Variants in WDR72 observed in about 807,000 individuals in gnomAD.
The protein encoded by WDR72 is WD repeat-containing protein 72.
Under a neutral mutation model 124.2 loss-of-function variants are expected in WDR72, and 120 were observed. The observed-to-expected ratio is 0.97, with a 90% CI of 0.83 to 1.12. WDR72 has a LOEUF of 1.12. Among genes scored for constraint, WDR72 ranks in the 50% most tolerant of loss-of-function variants. WDR72 has a pLI of 0.00. For synonymous variants in WDR72, 452 were observed against 441.7 expected, an observed-to-expected ratio of 1.02 and a Z score of -0.29; for missense variants, 1,387 against 1,278.8, an observed-to-expected ratio of 1.08 and a Z score of -1.29.
chr15:53,518,580 A>ATTT (rs57368989), intron 19 of WDR72, among the ~76,000 whole-genome samples: 20 of 151,650 alleles, frequency 1.3e-4, no homozygotes, highest in South Asian at 1.0e-3. Context: ...ATTCTTCTAG[A>ATTT]TTTTTTTTAG....
At chr15:53,731,491 G>T (rs2018202107) in intron 2 of WDR72, among the ~76,000 whole-genome samples, 2 of 151,648 alleles carry the variant, frequency 1.3e-5, no homozygotes, top group African/African-American at 4.8e-5. Flanking sequence ...AGTATCTCTG[G>T]CTCCACCCAC....
intron 17 of WDR72, among the ~76,000 whole-genome samples, chr15:53,597,888 C>A (rs1049520391): frequency 6.6e-6 from 1 of 152,084 alleles, no homozygotes; most frequent in Non-Finnish European, 1.5e-5. Flanking sequence ...CACAGAACAT[C>A]CAACTAAATT....
chr15:53,588,712 T>A (rs1293758743), intron 18 of WDR72, among the ~76,000 whole-genome samples: 1 of 149,946 alleles, frequency 6.7e-6, no homozygotes, highest in Non-Finnish European at 1.5e-5. Flanking sequence ...AAATCAGTTG[T>A]TTTTCTCTAA....
At chr15:53,617,043 C>G (rs1363038061) in intron 14 of WDR72, among the ~76,000 whole-genome samples, 1 of 151,816 alleles carries the variant, frequency 6.6e-6, no homozygotes, top group African/African-American at 2.4e-5. Flanking sequence ...ACAGCATTAT[C>G]AAGAGACTCA....
At chr15:53,575,209 G>A (rs1894707285) in intron 18 of WDR72, among the ~76,000 whole-genome samples, 1 of 151,930 alleles carries the variant, frequency 6.6e-6, no homozygotes, top group Non-Finnish European at 1.5e-5. Flanking sequence ...CACTACTGAT[G>A]GCATTTGAAA....
chr15:53,524,448 G>C lies in WDR72; in HGVS notation c.3149-1126C>G, dbSNP rs1402633714. On this transcript the variant is annotated intron_variant, in intron 18 of 19. Coordinates refer to ENST00000360509, the MANE Select transcript of WDR72 (RefSeq NM_182758.4). ...CAGACAAGAAAGCAATGCAGAGGCT[G>C]AGACTGTGCTACTTCACACATTTGG... is the stretch of plus-strand genomic sequence containing the variant. Among the ~76,000 whole-genome samples, 10 of 152,136 alleles carry C rather than the reference G, an allele frequency of 6.6e-5. No individual in the cohort carries two copies. The East Asian group carries it at 1.9e-3, about 29-fold the overall frequency.
intron 18 of WDR72, among the ~76,000 whole-genome samples, chr15:53,591,419 A>G (rs1245338767): frequency 6.6e-6 from 1 of 151,876 alleles, no homozygotes; most frequent in Non-Finnish European, 1.5e-5. Flanking sequence ...AATCGCCAAC[A>G]CTCCATAACC....
At chr15:53,530,208 A>C (rs1169872151) in intron 18 of WDR72, among the ~76,000 whole-genome samples, 5 of 151,394 alleles carry the variant, frequency 3.3e-5, no homozygotes, top group Non-Finnish European at 5.9e-5. Flanking sequence ...ATTACTTCTT[A>C]TTTTGTATAT....
rs2017533238 is a variant in WDR72 at position 53,711,372 on chromosome 15, T to C, written c.821A>G (p.Glu274Gly). Residue 274 changes from glutamate (E) to glycine (G), a missense_variant, in exon 8 of 20, where the codon GAA (glutamate) becomes GGA (glycine). Physicochemically the swap from Glu to Gly is moderately conservative, Grantham distance 98 (BLOSUM62 -2). Coordinates refer to ENST00000360509, the MANE Select transcript of WDR72 (RefSeq NM_182758.4). The stretch of plus-strand genomic sequence containing the variant: ...CTGATAGATGTAACTGTGACCATCT[T>C]CTGTCCAGATGAGGATTCTGTGAGC... ...IAAHRILIWT[E>G]DGHSYIYQLL... is the part of the protein sequence containing the mutation. 6.2e-7 allele frequency: 1 copy of C among 1,614,096 alleles called. No homozygotes were observed. The highest frequency in any genetic ancestry group is 1.1e-5 in the South Asian group (1 of 91,084).
In WDR72 at chr15:53,702,363, C is replaced by A; in HGVS notation, c.1349-9G>T. ...TTTATGAGGGGGAGAATCTGAAAAA[C>A]AATGAAACACCAAATAATACAGATG... On this transcript the variant is annotated splice_polypyrimidine_tract_variant and intron_variant, in intron 11 of 19. Coordinates refer to ENST00000360509, the MANE Select transcript of WDR72 (RefSeq NM_182758.4). The A allele has an allele frequency of 6.3e-7, 1 of 1,588,974 alleles. No homozygotes were observed. The highest frequency in any genetic ancestry group is 8.6e-7 in the Non-Finnish European group (1 of 1,157,418).
chr15:53,713,197 A>G (rs1324621748), intron 6 of WDR72, among the ~76,000 whole-genome samples: 4 of 151,270 alleles, frequency 2.6e-5, no homozygotes, highest in Non-Finnish European at 5.9e-5. Context: ...TTCTTGAAAA[A>G]AAAAAAAAGC....
chr15:53,657,569 G>A (rs2015473026), intron 14 of WDR72, among the ~76,000 whole-genome samples: 1 of 151,376 alleles, frequency 6.6e-6, no homozygotes, highest in African/African-American at 2.4e-5. Flanking sequence ...ACTACAAATG[G>A]AGTATTTAAT....
chr15:53,606,940 A>G (rs2013311288), intron 17 of WDR72, among the ~76,000 whole-genome samples: 1 of 152,176 alleles, frequency 6.6e-6, no homozygotes, highest in Non-Finnish European at 1.5e-5. Context: ...GTGTATATTT[A>G]GTATTATAGC....
rs1211518180 is a variant in WDR72, at chr15:53,674,313, C to T, written c.1766-8545G>A. On this transcript the variant is annotated intron_variant, in intron 13 of 19. Coordinates refer to ENST00000360509, the MANE Select transcript of WDR72 (RefSeq NM_182758.4). ...AAAACCACTGACTGACAGTTATAAT[C>T]AAATTCCACAAATCAAAAAATTTGA... is the stretch of plus-strand genomic sequence containing the variant. Among the ~76,000 whole-genome samples, 3 of 152,278 alleles carry T rather than the reference C, an allele frequency of 2.0e-5. No individual in the cohort carries two copies. The East Asian group carries it at 5.8e-4, about 29-fold the overall frequency.
chr15:53,614,891 T>C (rs1243490267), intron 15 of WDR72, among the ~76,000 whole-genome samples: 3 of 152,176 alleles, frequency 2.0e-5, no homozygotes, highest in Non-Finnish European at 2.9e-5. Context: ...TATGTATAAA[T>C]GAATCACTAA....
intron 13 of WDR72, among the ~76,000 whole-genome samples, chr15:53,691,901 T>A (rs2140505027): frequency 6.6e-6 from 1 of 152,344 alleles, no homozygotes; most frequent in African/African-American, 2.4e-5. Context: ...ATTAATCATG[T>A]GGCATTACTT....
intron 18 of WDR72, among the ~76,000 whole-genome samples, chr15:53,567,229 G>T (rs1448623013): frequency 6.6e-6 from 1 of 152,010 alleles, no homozygotes; most frequent in Non-Finnish European, 1.5e-5. Context: ...CCTTCCAGGA[G>T]TCCTCTAGGT....
intron 14 of WDR72, among the ~76,000 whole-genome samples, chr15:53,643,685 C>A (rs565513756): frequency 1.3e-5 from 2 of 151,944 alleles, no homozygotes; most frequent in African/African-American, 2.4e-5. Context: ...TCAGAATAAT[C>A]CCAGATATTG....
At chr15:53,743,724 C>A (rs1051552193) in intron 1 of WDR72, among the ~76,000 whole-genome samples, 2 of 152,142 alleles carry the variant, frequency 1.3e-5, no homozygotes, top group Admixed American at 6.5e-5. Flanking sequence ...CGCCTGTAAT[C>A]CCAGCACTTT....
Sources: gnomAD v4.1 joint callset for allele counts (sites outside exome capture counted in the v4.1 genomes callset) on GRCh38, gnomAD v4.1.1 for gene constraint, MANE v1.5 for transcripts, NCBI Gene and HGNC (gene_info 2026-07-23, HGNC 2026-07-21) for gene names.